The following CYTH3 variants were observed in gnomAD, a reference collection of about 807,000 sequenced individuals.
CYTH3 encodes the protein cytohesin 3, also known as cytohesin-3.
A neutral mutation model predicts 55.1 loss-of-function variants in CYTH3; 23 were observed. The ratio of observed to expected loss-of-function variants is 0.42; its 90% CI spans 0.30 to 0.59. The LOEUF is 0.59. Ranked by LOEUF, CYTH3 falls within the 20% of genes least tolerant of loss-of-function variation. The pLI is 0.20. For synonymous variants in CYTH3, 249 were observed against 194.9 expected, an observed-to-expected ratio of 1.28 and a Z score of -2.31; for missense variants, 413 against 524.8, an observed-to-expected ratio of 0.79 and a Z score of 2.08.
rs113692472 is a variant in CYTH3 at position 6,213,060 on chromosome 7, G to C, written c.35-22529C>G. On this transcript the variant is annotated intron_variant, in intron 1 of 12. Transcript: ENST00000350796. The stretch of plus-strand genomic sequence containing the variant: ...ATTAGTAGCATCCCGCTGACTTATT[G>C]TTTAGTTTATGTCTCCTCCTATAAG... 4.2e-3 allele frequency among the ~76,000 whole-genome samples: 646 copies of C among 152,290 alleles called. 7 individuals are homozygous for C. Among genetic ancestry groups the C allele is most frequent in the African/African-American group, 0.015 (623 of 41,564 alleles).
chr7:6,174,564 T>TC (rs1554355239), intron 5 of CYTH3, among the ~76,000 whole-genome samples: 17 of 145,478 alleles, frequency 1.2e-4, no homozygotes, highest in Middle Eastern at 3.5e-3. Context: ...TTTTTTTTTT[T>TC]CCAGACAGAG....
At chr7:6,224,558 C>T (rs1361542335) in intron 1 of CYTH3, among the ~76,000 whole-genome samples, 1 of 152,206 alleles carries the variant, frequency 6.6e-6, no homozygotes, top group African/African-American at 2.4e-5. Flanking sequence ...AAAAAACATA[C>T]TAACAAGTGT....
intron 1 of CYTH3, among the ~76,000 whole-genome samples, chr7:6,192,614 C>G (rs1689021095): frequency 6.7e-6 from 1 of 149,666 alleles, no homozygotes; most frequent in Admixed American, 6.7e-5. Flanking sequence ...TCACTGCAAC[C>G]TCCACCTCCT....
intron 1 of CYTH3, among the ~76,000 whole-genome samples, chr7:6,257,582 A>G (rs939150073): frequency 6.6e-5 from 10 of 152,338 alleles, no homozygotes; most frequent in African/African-American, 2.2e-4. Flanking sequence ...AAAGGGGAGA[A>G]AGTGTTAGTC....
chr7:6,265,917 C>A (rs1010864026), intron 1 of CYTH3, among the ~76,000 whole-genome samples: 1 of 149,686 alleles, frequency 6.7e-6, no homozygotes, highest in Admixed American at 6.8e-5. Flanking sequence ...GAGAGACTTA[C>A]CAGTAATGCT....
At chr7:6,216,435 T>G (rs1037341838) in intron 1 of CYTH3, among the ~76,000 whole-genome samples, 17 of 151,934 alleles carry the variant, frequency 1.1e-4, no homozygotes, top group African/African-American at 4.1e-4. Context: ...TACAAAGAGA[T>G]ATACTCAATC....
intron 1 of CYTH3, among the ~76,000 whole-genome samples, chr7:6,231,267 G>C (rs559122214): frequency 1.3e-5 from 2 of 152,196 alleles, no homozygotes; most frequent in Non-Finnish European, 2.9e-5. Context: ...TAAACTCTAC[G>C]AGAGAAAAGA....
chr7:6,254,876 C>T (rs553722442), intron 1 of CYTH3, among the ~76,000 whole-genome samples: 15 of 152,280 alleles, frequency 9.9e-5, no homozygotes, highest in Non-Finnish European at 1.6e-4. Flanking sequence ...TAGGATTCAT[C>T]GTACCATTCC....
intron 1 of CYTH3, among the ~76,000 whole-genome samples, chr7:6,207,574 G>A (rs2128548404): frequency 6.6e-6 from 1 of 152,174 alleles, no homozygotes; most frequent in South Asian, 2.1e-4. Flanking sequence ...AGACCAGCCT[G>A]GGCAATATAG....
intron 4 of CYTH3, among the ~76,000 whole-genome samples, chr7:6,179,651 AC>A (rs1783431177): frequency 2.6e-5 from 2 of 77,958 alleles, no homozygotes; most frequent in East Asian, 3.8e-4. Context: ...CACACCCCAC[AC>A]CCCACACACA....
At chr7:6,204,508 T>C (rs1250601670) in intron 1 of CYTH3, among the ~76,000 whole-genome samples, 1 of 152,132 alleles carries the variant, frequency 6.6e-6, no homozygotes, top group Admixed American at 6.5e-5. Context: ...AGGTGAGGAT[T>C]TTCTGCAACA....
intron 1 of CYTH3, among the ~76,000 whole-genome samples, chr7:6,233,043 C>T (rs1779427444): frequency 6.6e-6 from 1 of 152,178 alleles, no homozygotes; most frequent in Non-Finnish European, 1.5e-5. Context: ...CCTGGTATCA[C>T]AGGATTCCTC....
At chr7:6,173,925 G>A (rs1783267254) in intron 5 of CYTH3, among the ~76,000 whole-genome samples, 192 bp from the exon 6 acceptor site, 1 of 152,092 alleles carries the variant, frequency 6.6e-6, no homozygotes, top group African/African-American at 2.4e-5. Context: ...CAACTCCTGG[G>A]CTCAAGTGGT....
chr7:6,190,821 A>C lies in CYTH3; in HGVS notation c.35-290T>G, dbSNP rs564370519. On this transcript the variant is annotated intron_variant, in intron 1 of 12. Transcript: ENST00000350796. ...GCCAGGCACGGTGGCTCATGCCTGT[A>C]ATCCCAGCACTTTAGGAGGCTGAGG... is the stretch of plus-strand genomic sequence containing the variant. Among the ~76,000 whole-genome samples, 6 of 152,246 alleles carry C rather than the reference A, an allele frequency of 3.9e-5. No homozygotes were observed. The South Asian group carries it at 6.2e-4, about 16-fold the overall frequency.
chr7:6,221,937 G>A (rs6975101), intron 1 of CYTH3, among the ~76,000 whole-genome samples: 1 of 152,168 alleles, frequency 6.6e-6, no homozygotes, highest in African/African-American at 2.4e-5. Flanking sequence ...GGGTAACAGA[G>A]CAAGACGCTG....
chr7:6,265,755 A>G (rs541955968), intron 1 of CYTH3, among the ~76,000 whole-genome samples: 2 of 152,284 alleles, frequency 1.3e-5, no homozygotes, highest in South Asian at 4.1e-4. Context: ...GAGGAGTGAC[A>G]TGACCTGCGT....
intron 1 of CYTH3, among the ~76,000 whole-genome samples, chr7:6,270,304 G>C (rs534916036): frequency 6.6e-6 from 1 of 152,154 alleles, no homozygotes; most frequent in Non-Finnish European, 1.5e-5. Context: ...CACAAAGCAA[G>C]GGAGAAAGCT....
chr7:6,205,522 C>T (rs966888545), intron 1 of CYTH3, among the ~76,000 whole-genome samples: 7 of 151,352 alleles, frequency 4.6e-5, no homozygotes, highest in African/African-American at 1.2e-4. Flanking sequence ...CGCACTGAGC[C>T]GAGATCTCAC....
chr7:6,247,381 T>C (rs1002693868), intron 1 of CYTH3, among the ~76,000 whole-genome samples: 1 of 152,236 alleles, frequency 6.6e-6, no homozygotes, highest in African/African-American at 2.4e-5. Flanking sequence ...ACTAATTTTA[T>C]CTAAGGCAGA....
Sources: allele counts gnomAD v4.1 joint callset (sites outside exome capture counted in the v4.1 genomes callset), GRCh38; gene constraint gnomAD v4.1.1; transcripts MANE v1.5; gene names NCBI Gene and HGNC (gene_info 2026-07-23, HGNC 2026-07-21).